MATR3: variants seen among roughly 807,000 people sequenced by gnomAD.
The protein encoded by MATR3 is matrin 3.
MATR3 carries 4 observed loss-of-function variants against 85.5 expected under a neutral mutation model. The observed-to-expected ratio is 0.05, with a 90% CI of 0.02 to 0.11. The LOEUF is 0.11. Among genes scored for constraint, MATR3 ranks in the 10% least tolerant of loss-of-function variants. MATR3 has a pLI of 1.00. For missense variants in MATR3, 685 were observed against 1,016.1 expected (o/e 0.67, Z 4.43); for synonymous variants, 336 against 343.1 (o/e 0.98, Z 0.23).
chr5:139,294,125 G>C (rs1048734880), intron 1 of MATR3: 2 of 1,152,064 alleles, frequency 1.7e-6, no homozygotes, highest in South Asian at 3.1e-5. Flanking sequence ...CGAGCTTCCT[G>C]CGCGTCCTGG....
At chr5:139,301,850 C>CA (rs1379918978) in intron 1 of MATR3, among the ~76,000 whole-genome samples, 1 of 152,142 alleles carries the variant, frequency 6.6e-6, no homozygotes, top group African/African-American at 2.4e-5. Context: ...AGGAAGAAGA[C>CA]AGTATTATTC....
At chr5:139,323,809 T>G (rs918725289) in intron 12 of MATR3, among the ~76,000 whole-genome samples, 1 of 152,090 alleles carries the variant, frequency 6.6e-6, no homozygotes, top group Admixed American at 6.6e-5. Context: ...GAGAATTGCT[T>G]GAATCTGGGA....
chr5:139,303,500 A>G (rs947598494), intron 1 of MATR3, among the ~76,000 whole-genome samples: 32 of 152,198 alleles, frequency 2.1e-4, no homozygotes, highest in African/African-American at 6.8e-4. Context: ...TGGGAGGTCA[A>G]GGCGGGAGGA....
chr5:139,316,947 G>T lies in MATR3; in HGVS notation c.1130-106G>T. On this transcript the variant is annotated intron_variant, in intron 5 of 14. Transcript: ENST00000394805. ...GAAAAGTGATGGTAATCATATATTT[G>T]TAAGAGCTTTTCATTTGTGTTTGGA... is the stretch of plus-strand genomic sequence containing the variant. 8 of 841,568 alleles carry T rather than the reference G, an allele frequency of 9.5e-6. No individual in the cohort carries two copies. In the South Asian group the frequency reaches 1.0e-4, roughly 11 times the overall value. The allele number at this position is 841,568 out of a possible 1,614,324, so 52.1% of individuals were successfully genotyped here. A position where few individuals can be genotyped will look rare whatever the true frequency, so the allele number is the denominator to read the frequency against.
chr5:139,293,086 T>C (rs894345141), upstream of MATR3, among the ~76,000 whole-genome samples: 1 of 151,776 alleles, frequency 6.6e-6, no homozygotes, highest in Non-Finnish European at 1.5e-5. Flanking sequence ...ACACCATCTC[T>C]ACGGAAAAAA....
chr5:139,276,169 G>C lies in MATR3; in HGVS notation c.-257+19G>C, dbSNP rs562172276. The C allele has an allele frequency of 2.2e-5, 10 of 456,736 alleles. No homozygotes were observed. The East Asian group carries it at 5.6e-4, about 25-fold the overall frequency. 28.3% of individuals were successfully genotyped at this position (456,736 alleles called of 1,614,324 possible). ...ACTGCAGGTGAGTGCAACCCCTTCA[G>C]CTCTCTTGGCTCCAGCTGTAGGCAG... On this transcript the variant is annotated intron_variant, in intron 2 of 16. Transcript: ENST00000509990.
chr5:139,287,575 C>A (rs569689928), intron 3 of MATR3, among the ~76,000 whole-genome samples: 1 of 152,014 alleles, frequency 6.6e-6, no homozygotes, highest in East Asian at 1.9e-4. Flanking sequence ...GCCAAGATTG[C>A]GCCATTGCAC....
chr5:139,303,010 C>G (rs963300725), intron 1 of MATR3, among the ~76,000 whole-genome samples: 1 of 144,878 alleles, frequency 6.9e-6, no homozygotes, highest in Non-Finnish European at 1.5e-5. Context: ...CATAAATAAT[C>G]TTTCATAGTT....
At position 139,326,270 on chromosome 5, in the gene MATR3, T is replaced by C; in HGVS notation, c.2479T>C (p.Tyr827His). The C allele has an allele frequency of 6.2e-7, 1 of 1,613,684 alleles. No individual in the cohort carries two copies. Among genetic ancestry groups the C allele is most frequent in the Non-Finnish European group, 8.5e-7 (1 of 1,179,768 alleles). The stretch of plus-strand genomic sequence containing the variant: ...TACTCATTGCAGCAGCCTTCCTCAT[T>C]ATCAGAAATTAAAGGTAAGGTTGAA... ...KNTHCSSLPHYQKLKKFLNKL... is the reference protein window; with the variant it reads ...KNTHCSSLPHHQKLKKFLNKL... The change falls in exon 14 of 15, where the codon TAT becomes CAT. Residue 827 changes from tyrosine (Y) to histidine (H), a missense_variant. Physicochemically the swap from Tyr to His is moderately conservative, Grantham distance 83. This residue lies in a region of MATR3 where 45 missense variants were observed against 82.5 expected (regional missense o/e 0.55). Transcript: ENST00000394805.
intron 1 of MATR3, among the ~76,000 whole-genome samples, chr5:139,299,143 A>G (rs1754313032): frequency 2.0e-5 from 3 of 152,204 alleles, no homozygotes; most frequent in Non-Finnish European, 1.5e-5. Context: ...GTATTTTTAT[A>G]TACACTGGTT....
Position 139,307,421 on chromosome 5 carries a change from C to G in MATR3, c.6C>G (p.Ser2=). 1 of 1,613,500 alleles carries G rather than the reference C, an allele frequency of 6.2e-7. No homozygotes were observed. Among genetic ancestry groups the G allele is most frequent in the Non-Finnish European group, 8.5e-7 (1 of 1,179,770 alleles). The stretch of plus-strand genomic sequence containing the variant: ...AGACAAGAGCTAGTTCTACAATGTC[C>G]AAGTCATTCCAGCAGTCATCTCTCA... The part of the protein sequence containing the change: M[S]KSFQQSSLSR... The change falls in exon 2 of 15, where the codon TCC becomes TCG. Residue 2 remains serine, a synonymous_variant. Coordinates refer to ENST00000394805, the MANE Select transcript of MATR3 (RefSeq NM_018834.6). This position sits in a 1 kb window ranked among gnomAD's most constrained non-coding sequence, Gnocchi z 4.4.
intron 12 of MATR3, among the ~76,000 whole-genome samples, chr5:139,324,993 CA>C (rs1217944925): frequency 6.6e-6 from 1 of 151,908 alleles, no homozygotes; most frequent in East Asian, 1.9e-4. Context: ...AGATCGAGAC[CA>C]TCCTGGCTAA....
At chr5:139,281,819 C>A (rs1378071742) in intron 3 of MATR3, among the ~76,000 whole-genome samples, 1 of 152,088 alleles carries the variant, frequency 6.6e-6, no homozygotes, top group Non-Finnish European at 1.5e-5. Flanking sequence ...TAGGCCTGTA[C>A]CATATTAAGA....
At chr5:139,296,080 T>C (rs540687330) in intron 1 of MATR3, among the ~76,000 whole-genome samples, 1 of 152,210 alleles carries the variant, frequency 6.6e-6, no homozygotes, top group Non-Finnish European at 1.5e-5. Context: ...TTCAGACTCC[T>C]TCATAGTATA....
intron 14 of MATR3, among the ~76,000 whole-genome samples, 177 bp from the exon 15 acceptor site, chr5:139,329,168 A>C (rs1756004700): frequency 6.6e-6 from 1 of 152,114 alleles, no homozygotes; most frequent in Non-Finnish European, 1.5e-5. Flanking sequence ...CCCGTGCCTT[A>C]TTGTAATGTC....
chr5:139,318,928 C>T lies in MATR3; in HGVS notation c.1329C>T (p.Thr443=). The T allele has an allele frequency of 1.2e-6, 2 of 1,614,058 alleles. No homozygotes were observed. Among genetic ancestry groups the T allele is most frequent in the Non-Finnish European group, 8.5e-7 (1 of 1,180,000 alleles). Residue 443 remains threonine, a synonymous_variant, in exon 8 of 15, where the codon ACC becomes ACT. Coordinates refer to ENST00000394805, the MANE Select transcript of MATR3 (RefSeq NM_018834.6). Reference sequence around the variant, plus strand: ...TTCAGGCATTTATTGAAATGGCAACCACAGAGGATGCTCAGGCCGCAGTGG... The same window carrying T: ...TTCAGGCATTTATTGAAATGGCAACTACAGAGGATGCTCAGGCCGCAGTGG... ...KINEAFIEMA[T]TEDAQAAVDY... is the part of the protein sequence containing the mutation.
rs1756077267 is a variant in MATR3, at chr5:139,330,332, C to G, written c.*937C>G. Reference sequence around the variant, plus strand: ...ATAATTTGTGTTTACTTGTAACTTTCTGGTTATATACTGCTTATATCTGTG... The same window carrying G: ...ATAATTTGTGTTTACTTGTAACTTTGTGGTTATATACTGCTTATATCTGTG... On this transcript the variant is annotated 3_prime_UTR_variant, in exon 15 of 15. Coordinates refer to ENST00000394805, the MANE Select transcript of MATR3 (RefSeq NM_018834.6). 1 of 453,922 alleles carries G rather than the reference C, an allele frequency of 2.2e-6. No individual in the cohort carries two copies. The allele number at this position is 453,922 out of a possible 1,614,324, so 28.1% of individuals were successfully genotyped here.
intron 9 of MATR3, among the ~76,000 whole-genome samples, chr5:139,321,181 G>C (rs1268145703): frequency 6.6e-6 from 1 of 152,038 alleles, no homozygotes; most frequent in Non-Finnish European, 1.5e-5. Context: ...ATGGAGTCTT[G>C]CTCTGTCGCC....
rs1441000698 is a variant in MATR3, at chr5:139,293,760, C to T, written c.-223C>T. The stretch of plus-strand genomic sequence containing the variant: ...ATTGTGGGAGTCTCCGCGTCCCGCT[C>T]GCTGGGAGAGAGGTACCTCTCCTTT... On this transcript the variant is annotated 5_prime_UTR_variant, in exon 1 of 15. Transcript: ENST00000394805. 9 of 385,944 alleles carry T rather than the reference C, an allele frequency of 2.3e-5. No homozygotes were observed. Among genetic ancestry groups the T allele is most frequent in the Non-Finnish European group, 4.1e-5 (9 of 218,606 alleles). 23.9% of individuals were successfully genotyped at this position (385,944 alleles called of 1,614,324 possible).
Sources: allele counts gnomAD v4.1 joint callset (sites outside exome capture counted in the v4.1 genomes callset), GRCh38; gene constraint gnomAD v4.1.1; regional missense constraint gnomAD v4.1.1; non-coding constraint Gnocchi (gnomAD v3.1); transcripts MANE v1.5; gene names NCBI Gene and HGNC (gene_info 2026-07-23, HGNC 2026-07-21).